Variants in BMPR1B observed in about 807,000 individuals in gnomAD.
The protein encoded by BMPR1B is bone morphogenetic protein receptor type-1B.
A neutral mutation model predicts 59.1 loss-of-function variants in BMPR1B; 12 were observed. The observed-to-expected ratio is 0.20, with a 90% confidence interval of 0.13 to 0.33. The LOEUF is 0.33. Ranked by LOEUF, BMPR1B falls within the 10% of genes least tolerant of loss-of-function variation. BMPR1B has a pLI of 1.00. For missense variants in BMPR1B, 550 were observed against 610.9 expected (o/e 0.90, Z 1.05); for synonymous variants, 237 against 207.3 (o/e 1.14, Z -1.23).
chr4:95,104,230 G>T (rs1267820517), intron 3 of BMPR1B, 178 bp from the exon 4 acceptor site: 1 of 672,044 alleles, frequency 1.5e-6, no homozygotes. Context: ...TCTGTATGAG[G>T]TGTATACTAG....
At chr4:95,052,504 C>T (rs1726577572) in intron 3 of BMPR1B, among the ~76,000 whole-genome samples, 1 of 151,986 alleles carries the variant, frequency 6.6e-6, no homozygotes, top group Non-Finnish European at 1.5e-5. Context: ...GAAATAATGG[C>T]TTTATAAAAT....
intron 3 of BMPR1B, among the ~76,000 whole-genome samples, chr4:95,014,293 A>G (rs1560596037): frequency 6.6e-6 from 1 of 152,178 alleles, no homozygotes; most frequent in Non-Finnish European, 1.5e-5. Context: ...CAGCATCCAA[A>G]CTCAGAAGTT....
chr4:94,760,331 G>A lies in BMPR1B; in HGVS notation c.-183+2263G>A, dbSNP rs1337723914. Reference sequence around the variant, plus strand: ...TATGTATGTTTCTCTAAATGTTCCAGTCGTTAAATAATATTTATTAAAAGG... The same window carrying A: ...TATGTATGTTTCTCTAAATGTTCCAATCGTTAAATAATATTTATTAAAAGG... On this transcript the variant is annotated intron_variant, in intron 1 of 12. Coordinates refer to ENST00000515059, the MANE Select transcript of BMPR1B (RefSeq NM_001203.3). Among the ~76,000 whole-genome samples the A allele has an allele frequency of 5.3e-5, 8 of 152,108 alleles. No individual in the cohort carries two copies. The South Asian group carries it at 1.2e-3, about 24-fold the overall frequency.
At chr4:94,806,097 A>T (rs957590136) in intron 1 of BMPR1B, among the ~76,000 whole-genome samples, 5 of 152,160 alleles carry the variant, frequency 3.3e-5, no homozygotes, top group African/African-American at 1.2e-4. Context: ...TTTGTGGGAG[A>T]ACTTGTAAGT....
At chr4:94,877,553 C>T (rs1726779887) in intron 2 of BMPR1B, among the ~76,000 whole-genome samples, 1 of 152,194 alleles carries the variant, frequency 6.6e-6, no homozygotes, top group Admixed American at 6.5e-5. Context: ...CTATAGGCAC[C>T]TTTCTCTAGA....
chr4:94,945,749 A>G (rs78999110), intron 2 of BMPR1B, among the ~76,000 whole-genome samples: 1,697 of 152,304 alleles, frequency 0.011, 25 homozygotes, highest in African/African-American at 0.035. Context: ...TATATTTATG[A>G]CATATAAGTT....
chr4:95,053,732 G>C (rs190235381), intron 3 of BMPR1B, among the ~76,000 whole-genome samples: 2 of 152,164 alleles, frequency 1.3e-5, no homozygotes, highest in Non-Finnish European at 2.9e-5. Context: ...GATTTTCCCA[G>C]CTTTGTCACC....
chr4:95,018,361 G>A lies in BMPR1B; in HGVS notation c.-18+22227G>A, dbSNP rs544949343. On this transcript the variant is annotated intron_variant, in intron 3 of 12. Coordinates refer to ENST00000515059, the MANE Select transcript of BMPR1B (RefSeq NM_001203.3). The stretch of plus-strand genomic sequence containing the variant: ...TGTTTTAAGAATGAATAAATTGAAA[G>A]CTGATTAATAATATTTCCAGAAAAC... Among the ~76,000 whole-genome samples, 72 of 152,244 alleles carry A rather than the reference G, an allele frequency of 4.7e-4. No individual in the cohort carries two copies. In the South Asian group the frequency reaches 5.4e-3, roughly 11 times the overall value.
chr4:94,895,559 A>T (rs1727553141), intron 2 of BMPR1B, among the ~76,000 whole-genome samples: 1 of 151,870 alleles, frequency 6.6e-6, no homozygotes, highest in Non-Finnish European at 1.5e-5. Flanking sequence ...AATGAAGAAA[A>T]ATTATTTTGA....
At chr4:95,121,280 C>T (rs773175273) in intron 6 of BMPR1B, among the ~76,000 whole-genome samples, 21 of 152,164 alleles carry the variant, frequency 1.4e-4, no homozygotes, top group Admixed American at 1.4e-3. Context: ...AAATCAGAGA[C>T]AACACAAATG....
At chr4:94,984,320 A>G (rs767705027) in intron 2 of BMPR1B, among the ~76,000 whole-genome samples, 1 of 152,246 alleles carries the variant, frequency 6.6e-6, no homozygotes, top group Non-Finnish European at 1.5e-5. Context: ...TTTAAAATGT[A>G]GCTTTTAAAT....
At chr4:94,908,764 A>T (rs138786097) in intron 2 of BMPR1B, among the ~76,000 whole-genome samples, 16 of 152,160 alleles carry the variant, frequency 1.1e-4, no homozygotes, top group Admixed American at 5.2e-4. Flanking sequence ...CCGAAGTCAG[A>T]TATCTTCTCT....
chr4:95,111,316 C>T (rs1731618867), intron 4 of BMPR1B, among the ~76,000 whole-genome samples: 1 of 152,058 alleles, frequency 6.6e-6, no homozygotes, highest in African/African-American at 2.4e-5. Flanking sequence ...ACAATAGTCT[C>T]TTCTCAACTG....
intron 3 of BMPR1B, among the ~76,000 whole-genome samples, chr4:95,086,249 C>G (rs1477245883): frequency 6.6e-6 from 1 of 152,084 alleles, no homozygotes; most frequent in Non-Finnish European, 1.5e-5. Context: ...ATGTCATGTT[C>G]GTTGCTGTTT....
chr4:94,869,571 T>C (rs1726397971), intron 1 of BMPR1B, among the ~76,000 whole-genome samples: 1 of 152,182 alleles, frequency 6.6e-6, no homozygotes, highest in East Asian at 1.9e-4. Flanking sequence ...TAGTATTCCT[T>C]TTTCTTCTTT....
At chr4:95,080,157 T>C (rs1323903075) in intron 3 of BMPR1B, among the ~76,000 whole-genome samples, 3 of 152,258 alleles carry the variant, frequency 2.0e-5, no homozygotes, top group Non-Finnish European at 4.4e-5. Context: ...TCATCTCTTA[T>C]ACTCACTCCG....
intron 3 of BMPR1B, among the ~76,000 whole-genome samples, chr4:95,046,134 G>A (rs1042068729): frequency 2.6e-5 from 4 of 151,858 alleles, no homozygotes; most frequent in African/African-American, 9.7e-5. Context: ...CGAACCCCTG[G>A]GCTCAATCAA....
intron 1 of BMPR1B, among the ~76,000 whole-genome samples, chr4:94,836,532 G>GT (rs1479571998): frequency 2.0e-5 from 3 of 146,548 alleles, no homozygotes; most frequent in Admixed American, 1.3e-4. Flanking sequence ...TTTTTCATGT[G>GT]TTTTTTGGCT....
intron 3 of BMPR1B, among the ~76,000 whole-genome samples, chr4:95,046,568 A>T (rs529147041): frequency 1.3e-5 from 2 of 152,280 alleles, no homozygotes; most frequent in East Asian, 3.9e-4. Flanking sequence ...GGCCCTTTCT[A>T]CTGTACAGCA....
Sources: gnomAD v4.1 joint callset for allele counts (sites outside exome capture counted in the v4.1 genomes callset) on GRCh38, gnomAD v4.1.1 for gene constraint, MANE v1.5 for transcripts, NCBI Gene and HGNC (gene_info 2026-07-23, HGNC 2026-07-21) for gene names.